Variants in AMMECR1 observed in about 807,000 individuals in gnomAD.
AMMECR1 encodes the protein nuclear protein AMMECR1.
AMMECR1 carries 3 observed loss-of-function variants against 22.5 expected under a neutral mutation model. That is an observed-to-expected ratio of 0.13 (90% confidence interval 0.06 to 0.35). AMMECR1 has a LOEUF of 0.35. Among genes scored for constraint, AMMECR1 ranks in the 10% least tolerant of loss-of-function variants. The pLI is 1.00. For synonymous variants in AMMECR1, 130 were observed against 116.7 expected (o/e 1.11, Z -0.74); for missense variants, 235 against 278.7 (o/e 0.84, Z 1.12).
intron 1 of AMMECR1, among the ~76,000 whole-genome samples, chrX:110,298,971 C>A (rs1458614010): frequency 9.0e-6 from 1 of 111,680 alleles, no homozygotes; most frequent in Non-Finnish European, 1.9e-5. Context: ...CCATTAAGGT[C>A]CTTAATTAAT....
intron 2 of AMMECR1, among the ~76,000 whole-genome samples, chrX:110,242,683 G>A (rs1285950159): frequency 1.8e-5 from 2 of 111,790 alleles, no homozygotes; most frequent in East Asian, 5.6e-4. Flanking sequence ...AAATATTTAA[G>A]GTAATCAGCA....
chrX:110,231,468 C>G (rs1022263256), intron 2 of AMMECR1, among the ~76,000 whole-genome samples: 15 of 111,465 alleles, frequency 1.3e-4, no homozygotes, highest in Non-Finnish European at 5.7e-5. Flanking sequence ...CAAATGCTGA[C>G]AGATTTTGTC....
chrX:110,379,717 AG>A (rs752215046), intron 2 of AMMECR1, among the ~76,000 whole-genome samples: 1 of 112,195 alleles, frequency 8.9e-6, no homozygotes, highest in South Asian at 3.7e-4. Flanking sequence ...TAAATGGGGA[AG>A]CAAAAAAATA....
chrX:110,251,520 C>T lies in AMMECR1; in HGVS notation c.584+12969G>A, dbSNP rs7884321. Among the ~76,000 whole-genome samples the T allele has an allele frequency of 4.6e-3, 520 of 112,115 alleles. 3 individuals are homozygous for T. Among genetic ancestry groups the T allele is most frequent in the African/African-American group, 0.016 (507 of 30,851 alleles). The stretch of plus-strand genomic sequence containing the variant: ...CTTCTTAATAAAAATGGGTTTTCCT[C>T]TCTGGTGATAAGGAATAACAGGCAC... On this transcript the variant is annotated intron_variant, in intron 2 of 5. Coordinates refer to ENST00000262844, the MANE Select transcript of AMMECR1 (RefSeq NM_015365.3).
chrX:110,433,274 G>A (rs761118247), intron 1 of AMMECR1, among the ~76,000 whole-genome samples: 2 of 112,503 alleles, frequency 1.8e-5, no homozygotes, highest in Non-Finnish European at 3.8e-5. Flanking sequence ...TGCATAGCCC[G>A]TATCCTCAAA....
chrX:110,199,176 GTGC>G (rs1173747604), intron 5 of AMMECR1, among the ~76,000 whole-genome samples: 1 of 111,208 alleles, frequency 9.0e-6, no homozygotes, highest in East Asian at 2.8e-4. Flanking sequence ...ACTCAGCTCA[GTGC>G]TCCTTGGCTT....
At chrX:110,420,655 G>A (rs2068710708) in intron 2 of AMMECR1, among the ~76,000 whole-genome samples, 1 of 112,115 alleles carries the variant, frequency 8.9e-6, no homozygotes, top group South Asian at 3.7e-4. Context: ...GCAGGGTGTG[G>A]GGAGGTGGTG....
chrX:110,313,631 T>G (rs1250817177), intron 1 of AMMECR1, among the ~76,000 whole-genome samples: 1 of 112,139 alleles, frequency 8.9e-6, no homozygotes, highest in Non-Finnish European at 1.9e-5. Context: ...ATAATTCACC[T>G]TAAGGTATCA....
chrX:110,343,749 T>A (rs1253680039), intron 2 of AMMECR1, among the ~76,000 whole-genome samples: 2 of 110,545 alleles, frequency 1.8e-5, no homozygotes, highest in Non-Finnish European at 3.8e-5. Context: ...CACAATTGCT[T>A]CAAAGAGAAT....
intron 2 of AMMECR1, among the ~76,000 whole-genome samples, chrX:110,394,271 A>G (rs2068514137): frequency 8.9e-6 from 1 of 111,735 alleles, no homozygotes; most frequent in African/African-American, 3.3e-5. Flanking sequence ...TGTTTTTGAG[A>G]CAGGGTCTCA....
chrX:110,211,273 A>G (rs1256645129), intron 3 of AMMECR1, among the ~76,000 whole-genome samples: 3 of 112,365 alleles, frequency 2.7e-5, no homozygotes, highest in African/African-American at 9.7e-5. Flanking sequence ...AGCTTCCACA[A>G]AATCACTGGT....
At chrX:110,249,933 G>A (rs949285294) in intron 2 of AMMECR1, among the ~76,000 whole-genome samples, 26 of 110,834 alleles carry the variant, frequency 2.3e-4, no homozygotes, top group African/African-American at 7.2e-4. Flanking sequence ...AGAGGGAAAC[G>A]GAAAGGGAAA....
chrX:110,229,675 C>T (rs1332099042), intron 2 of AMMECR1, among the ~76,000 whole-genome samples: 7 of 112,148 alleles, frequency 6.2e-5, no homozygotes, highest in African/African-American at 1.9e-4. Flanking sequence ...GAACAGCCCA[C>T]GGAGGGCGAG....
chrX:110,362,794 T>C (rs2068272870), intron 2 of AMMECR1, among the ~76,000 whole-genome samples: 1 of 112,409 alleles, frequency 8.9e-6, no homozygotes, highest in Non-Finnish European at 1.9e-5. Context: ...TCATTCATTA[T>C]TTTATATAGT....
intron 1 of AMMECR1, among the ~76,000 whole-genome samples, chrX:110,285,057 C>A (rs1309549918): frequency 8.9e-6 from 1 of 111,802 alleles, no homozygotes; most frequent in Non-Finnish European, 1.9e-5. Context: ...GTTCACTTAT[C>A]CCAATAAAAT....
At chrX:110,297,949 T>G (rs966448102) in intron 1 of AMMECR1, among the ~76,000 whole-genome samples, 2 of 112,076 alleles carry the variant, frequency 1.8e-5, no homozygotes, top group Non-Finnish European at 3.8e-5. Flanking sequence ...TACTTTACCT[T>G]TGGTGACTAC....
At chrX:110,344,898 G>T in intron 2 of AMMECR1, among the ~76,000 whole-genome samples, 1 of 112,171 alleles carries the variant, frequency 8.9e-6, no homozygotes, top group South Asian at 3.7e-4. Flanking sequence ...CTGTTGGTGG[G>T]ACTGTAAACT....
chrX:110,311,105 T>G (rs1440815357), intron 1 of AMMECR1, among the ~76,000 whole-genome samples: 6 of 112,048 alleles, frequency 5.4e-5, no homozygotes, highest in African/African-American at 2.0e-4. Flanking sequence ...AGTTGCTGAC[T>G]GAAGACAGCT....
At chrX:110,254,747 A>C (rs1216033340) in intron 2 of AMMECR1, among the ~76,000 whole-genome samples, 1 of 112,415 alleles carries the variant, frequency 8.9e-6, no homozygotes, top group Admixed American at 9.4e-5. Context: ...CTTCCCTTCC[A>C]TTTAAAATTT....
Sources: allele counts gnomAD v4.1 joint callset (sites outside exome capture counted in the v4.1 genomes callset), GRCh38; gene constraint gnomAD v4.1.1; transcripts MANE v1.5; gene names NCBI Gene and HGNC (gene_info 2026-07-23, HGNC 2026-07-21).